Variants in SHQ1 observed in about 807,000 individuals in gnomAD.
SHQ1 encodes the protein protein SHQ1 homolog.
Under a neutral mutation model 53.8 loss-of-function variants are expected in SHQ1, and 49 were observed. That is an observed-to-expected ratio of 0.91 (90% confidence interval 0.72 to 1.16). The LOEUF is 1.16. Ranked by LOEUF, SHQ1 falls within the 50% of genes most tolerant of loss-of-function variation. The pLI is 0.00. For missense variants in SHQ1, 738 were observed against 683.1 expected (o/e 1.08, Z -0.90); for synonymous variants, 243 against 251.0 (o/e 0.97, Z 0.30).
At chr3:72,785,618 A>G (rs1334398677) in intron 10 of SHQ1, among the ~76,000 whole-genome samples, 4 of 152,244 alleles carry the variant, frequency 2.6e-5, no homozygotes, top group Non-Finnish European at 5.9e-5. Flanking sequence ...CAGCAAGGAT[A>G]AACTATGATC....
intron 9 of SHQ1, among the ~76,000 whole-genome samples, chr3:72,807,748 C>G (rs971238373): frequency 3.3e-5 from 5 of 152,224 alleles, no homozygotes; most frequent in Admixed American, 6.5e-5. Context: ...TGATCAGTCA[C>G]AAGCCCTGTG....
At chr3:72,761,126 C>G (rs1705600851) in intron 10 of SHQ1, among the ~76,000 whole-genome samples, 1 of 152,074 alleles carries the variant, frequency 6.6e-6, no homozygotes, top group East Asian at 1.9e-4. Context: ...CTACAGATCC[C>G]AAGAAGGTGG....
chr3:72,752,643 C>G (rs1705411661), intron 10 of SHQ1, among the ~76,000 whole-genome samples: 1 of 152,040 alleles, frequency 6.6e-6, no homozygotes, highest in Admixed American at 6.6e-5. Flanking sequence ...TCTCCTGCCT[C>G]AGCATCCCGA....
chr3:72,752,916 G>C (rs1439479216), intron 10 of SHQ1: 1 of 890,540 alleles, frequency 1.1e-6, no homozygotes, highest in Admixed American at 6.2e-5. Flanking sequence ...ACCTACCTCG[G>C]CCTCCCAAAG....
chr3:72,793,562 T>C (rs950593921), intron 9 of SHQ1: 3 of 151,688 alleles, frequency 2.0e-5, no homozygotes, highest in African/African-American at 4.8e-5. Context: ...TTGTTACAGC[T>C]GACTAGTTGT....
intron 10 of SHQ1, among the ~76,000 whole-genome samples, chr3:72,790,034 A>G (rs555717811): frequency 4.6e-5 from 7 of 152,352 alleles, no homozygotes; most frequent in African/African-American, 1.7e-4. Context: ...TAAGGCTGCC[A>G]ACCACAGAAC....
At chr3:72,742,675 G>A in the SHQ1 span, among the ~76,000 whole-genome samples, 1 of 140,470 alleles carries the variant, frequency 7.1e-6, no homozygotes, top group Admixed American at 7.4e-5. Flanking sequence ...GGAGTGCAGT[G>A]GCATAATCTC....
At chr3:72,759,157 C>T (rs1441526321) in intron 10 of SHQ1, among the ~76,000 whole-genome samples, 1 of 152,152 alleles carries the variant, frequency 6.6e-6, no homozygotes, top group Non-Finnish European at 1.5e-5. Flanking sequence ...CTAGCATGAC[C>T]TCATCTTAAC....
chr3:72,745,513 A>C (rs1705244246), downstream of SHQ1, among the ~76,000 whole-genome samples: 1 of 152,184 alleles, frequency 6.6e-6, no homozygotes, highest in Non-Finnish European at 1.5e-5. Context: ...GCTGTGATTC[A>C]TTGGCATAAT....
At chr3:72,816,595 A>G (rs568327469) in intron 7 of SHQ1, among the ~76,000 whole-genome samples, 1 of 152,320 alleles carries the variant, frequency 6.6e-6, no homozygotes, top group East Asian at 1.9e-4. Context: ...AAAATCAAAT[A>G]TGGTTTAAGA....
intron 1 of SHQ1, among the ~76,000 whole-genome samples, chr3:72,844,762 T>A (rs924651108): frequency 1.3e-5 from 2 of 152,176 alleles, no homozygotes; most frequent in Admixed American, 6.5e-5. Flanking sequence ...TCTGAAACTT[T>A]TTGAGCACCA....
Position 72,751,535 on chromosome 3 carries a change from T to TATATATATATAC in SHQ1, c.1182-700_1182-699insGTATATATATAT, listed in dbSNP as rs1444853961. Among the ~76,000 whole-genome samples the TATATATATATAC allele has an allele frequency of 2.4e-4, 34 of 139,948 alleles. 1 individual carries two copies. Among genetic ancestry groups the TATATATATATAC allele is most frequent in the African/African-American group, 9.3e-4 (31 of 33,422 alleles). 91.8% of individuals were successfully genotyped at this position (139,948 alleles called of 152,430 possible). A position where few individuals can be genotyped will look rare whatever the true frequency, so the allele number is the denominator to read the frequency against. On this transcript the variant is annotated intron_variant, in intron 10 of 10. Transcript: ENST00000325599. ...ATATATATATATATATATATACATATACATACACTAATAAAGCCTAACTCT... is the reference window on the plus strand; with the variant it reads ...ATATATATATATATATATATACATATATATATATATACACATACACTAATAAAGCCTAACTCT...
chr3:72,765,557 A>ATATAT (rs1491527508), intron 10 of SHQ1, among the ~76,000 whole-genome samples: 6 of 57,188 alleles, frequency 1.0e-4, no homozygotes, highest in African/African-American at 4.8e-4. Flanking sequence ...ATATATATAT[A>ATATAT]TTTTTTTTTT....
chr3:72,750,421 C>G lies in SHQ1; in HGVS notation c.1597G>C (p.Gly533Arg). 2 of 1,614,136 alleles carry G rather than the reference C, an allele frequency of 1.2e-6. No individual in the cohort carries two copies. Among genetic ancestry groups the G allele is most frequent in the Non-Finnish European group, 1.7e-6 (2 of 1,180,024 alleles). The part of the protein sequence containing the change: ...GKPLASSWPL[G>R]VSGPLIEELG... The stretch of plus-strand genomic sequence containing the variant: ...TCCTCTATCAGAGGCCCAGACACTC[C>G]AAGAGGCCAGGAAGAGGCAAGTGGC... Residue 533 changes from glycine (G) to arginine (R), a missense_variant, in exon 11 of 11, where the codon GGA becomes CGA. By Grantham distance (125) the Gly-to-Arg change is moderately radical. Coordinates refer to ENST00000325599, the MANE Select transcript of SHQ1 (RefSeq NM_018130.3).
At chr3:72,810,648 G>A (rs985262770) in intron 9 of SHQ1, among the ~76,000 whole-genome samples, 4 of 152,132 alleles carry the variant, frequency 2.6e-5, no homozygotes, top group Non-Finnish European at 5.9e-5. Flanking sequence ...AACACTAAAT[G>A]CCAAACCAGA....
the SHQ1 span, among the ~76,000 whole-genome samples, chr3:72,742,810 A>G: frequency 6.6e-6 from 1 of 152,068 alleles, no homozygotes; most frequent in African/African-American, 2.4e-5. Flanking sequence ...TATTTTTAGT[A>G]GAGATGGGGT....
At chr3:72,748,417 G>A (rs1198651174), downstream of SHQ1, among the ~76,000 whole-genome samples, 9 of 150,772 alleles carry the variant, frequency 6.0e-5, no homozygotes, top group Middle Eastern at 0.01. Context: ...ACTGCCGGGC[G>A]TGGTCGCTCA....
chr3:72,815,576 G>A (rs1462627055), intron 7 of SHQ1, among the ~76,000 whole-genome samples, 173 bp from the exon 8 acceptor site: 1 of 152,130 alleles, frequency 6.6e-6, no homozygotes, highest in Non-Finnish European at 1.5e-5. Context: ...ACTACCAGTG[G>A]GAAGTTTCTG....
At chr3:72,765,111 C>G (rs924137083) in intron 10 of SHQ1, among the ~76,000 whole-genome samples, 57 of 152,142 alleles carry the variant, frequency 3.7e-4, no homozygotes, top group African/African-American at 1.4e-3. Context: ...TTTCCTTAGC[C>G]CCCCTTCTAG....
Sources: gnomAD v4.1 joint callset for allele counts (sites outside exome capture counted in the v4.1 genomes callset) on GRCh38, gnomAD v4.1.1 for gene constraint, MANE v1.5 for transcripts, NCBI Gene and HGNC (gene_info 2026-07-23, HGNC 2026-07-21) for gene names.